The following RNF150 variants were observed in gnomAD, a reference collection of about 807,000 sequenced individuals.
The protein encoded by RNF150 is ring finger protein 150.
A neutral mutation model predicts 39.3 loss-of-function variants in RNF150; 24 were observed. The observed-to-expected ratio is 0.61, with a 90% CI of 0.44 to 0.86. RNF150 has a LOEUF of 0.86. Among genes scored for constraint, RNF150 ranks in the 40% least tolerant of loss-of-function variants. RNF150 has a pLI of 0.00. For missense variants in RNF150, 502 were observed against 587.8 expected (o/e 0.85, Z 1.51); for synonymous variants, 255 against 227.3 (o/e 1.12, Z -1.10).
At chr4:141,006,835 C>T (rs56404615) in intron 1 of RNF150, among the ~76,000 whole-genome samples, 11,540 of 152,230 alleles carry the variant, frequency 0.076, 493 homozygotes, top group Middle Eastern at 0.16. Flanking sequence ...TATTTGAGAG[C>T]ACCAAACATG....
At chr4:140,878,026 C>T (rs1729224438) in intron 6 of RNF150, among the ~76,000 whole-genome samples, 1 of 152,126 alleles carries the variant, frequency 6.6e-6, no homozygotes, top group South Asian at 2.1e-4. Flanking sequence ...GAAGTGTTGG[C>T]TGTGGTTTCA....
intron 1 of RNF150, among the ~76,000 whole-genome samples, chr4:140,983,657 G>A (rs963530662): frequency 6.6e-6 from 1 of 151,914 alleles, no homozygotes; most frequent in Non-Finnish European, 1.5e-5. Flanking sequence ...AGGCATGCGT[G>A]GAAAGAGATT....
intron 1 of RNF150, among the ~76,000 whole-genome samples, chr4:141,172,830 G>T (rs922372378): frequency 1.3e-5 from 2 of 152,120 alleles, no homozygotes; most frequent in African/African-American, 4.8e-5. Context: ...TTCAAGACCA[G>T]CCTGGCCAAC....
At chr4:140,879,050 G>A (rs538265125) in intron 6 of RNF150, among the ~76,000 whole-genome samples, 6 of 152,202 alleles carry the variant, frequency 3.9e-5, no homozygotes, top group South Asian at 4.1e-4. Flanking sequence ...CACTGTTGAG[G>A]ATTATTTGAC....
chr4:141,121,310 C>T (rs1225986518), intron 1 of RNF150, among the ~76,000 whole-genome samples: 1 of 152,298 alleles, frequency 6.6e-6, no homozygotes, highest in East Asian at 1.9e-4. Context: ...CCATATGCTG[C>T]TTTCTCTCTC....
At position 140,967,851 on chromosome 4, in the gene RNF150, T is replaced by A; in HGVS notation, c.507A>T (p.Ile169=). 2 of 1,613,204 alleles carry A rather than the reference T, an allele frequency of 1.2e-6. No individual in the cohort carries two copies. Among genetic ancestry groups the A allele is most frequent in the Non-Finnish European group, 1.7e-6 (2 of 1,179,450 alleles). ...CCTTCCCTTTTGGCTCAGGAATCATTATGGCCACGATGTCTTCTACACCTG... is the reference window on the plus strand; with the variant it reads ...CCTTCCCTTTTGGCTCAGGAATCATAATGGCCACGATGTCTTCTACACCTG... The part of the protein sequence containing the change: ...PHAGVEDIVA[I]MIPEPKGKEI... The change falls in exon 2 of 7, where the codon ATA becomes ATT. Residue 169 remains isoleucine, a synonymous_variant. Coordinates refer to ENST00000515673, the MANE Select transcript of RNF150 (RefSeq NM_020724.2).
At chr4:140,919,690 A>G (rs1437921179) in intron 5 of RNF150, among the ~76,000 whole-genome samples, 1 of 151,472 alleles carries the variant, frequency 6.6e-6, no homozygotes, top group Admixed American at 6.6e-5. Flanking sequence ...AAACTACCTT[A>G]AAGTTCATAT....
At chr4:141,130,523 A>G (rs540102803) in intron 1 of RNF150, among the ~76,000 whole-genome samples, 1 of 152,330 alleles carries the variant, frequency 6.6e-6, no homozygotes, top group African/African-American at 2.4e-5. Context: ...TTCTTTAAAA[A>G]TAAGCAAGCC....
intron 1 of RNF150, among the ~76,000 whole-genome samples, chr4:141,211,834 A>G (rs2111231783): frequency 6.6e-6 from 1 of 152,300 alleles, no homozygotes; most frequent in Admixed American, 6.5e-5. Flanking sequence ...TCAATATTTT[A>G]ATCAACTGAA....
At chr4:141,174,733 T>C (rs932227099) in intron 1 of RNF150, among the ~76,000 whole-genome samples, 1 of 152,146 alleles carries the variant, frequency 6.6e-6, no homozygotes, top group Non-Finnish European at 1.5e-5. Flanking sequence ...TGCTTCTTGC[T>C]GTCTGTAGCA....
chr4:141,089,856 C>T (rs1738512878), intron 1 of RNF150, among the ~76,000 whole-genome samples: 1 of 152,208 alleles, frequency 6.6e-6, no homozygotes, highest in South Asian at 2.1e-4. Context: ...TCTACAGCAA[C>T]ATGTCATAGA....
chr4:141,198,478 A>C (rs982395913), intron 1 of RNF150, among the ~76,000 whole-genome samples: 2 of 152,216 alleles, frequency 1.3e-5, no homozygotes, highest in African/African-American at 4.8e-5. Flanking sequence ...TTTGTTGCAC[A>C]TCTATTATGC....
chr4:141,144,375 A>C (rs1046530740), intron 1 of RNF150, among the ~76,000 whole-genome samples: 24 of 152,222 alleles, frequency 1.6e-4, no homozygotes, highest in African/African-American at 5.3e-4. Context: ...CCACACTGAT[A>C]AAGACTGTGT....
chr4:141,049,683 A>G (rs1383483442), intron 1 of RNF150, among the ~76,000 whole-genome samples: 3 of 152,192 alleles, frequency 2.0e-5, no homozygotes, highest in East Asian at 1.9e-4. Context: ...AATTGAAGAT[A>G]TCTGGAGAAT....
At position 140,919,562 on chromosome 4, in the gene RNF150, C is replaced by T. The variant is rs1313193525; in HGVS notation, c.987+6415G>A. ...GGATACAAAGAAATGGAAGAACATT[C>T]CATGCTCATGGGTAGGAAGAATCAA... On this transcript the variant is annotated intron_variant, in intron 5 of 6. Coordinates refer to ENST00000515673, the MANE Select transcript of RNF150 (RefSeq NM_020724.2). Among the ~76,000 whole-genome samples, 239 of 151,296 alleles carry T rather than the reference C, an allele frequency of 1.6e-3. 1 individual carries two copies. Among genetic ancestry groups the T allele is most frequent in the Non-Finnish European group, 2.8e-3 (192 of 67,850 alleles).
At position 140,928,793 on chromosome 4, in the gene RNF150, G is replaced by A. The variant is rs542690343; in HGVS notation, c.891-2720C>T. ...GATCTCCTGACCTCGTGATCCACCC[G>A]CCTCAGCCTCCCAAAGTGCTAGGAT... On this transcript the variant is annotated intron_variant, in intron 4 of 6. Coordinates refer to ENST00000515673, the MANE Select transcript of RNF150 (RefSeq NM_020724.2). 5.7e-3 allele frequency among the ~76,000 whole-genome samples: 869 copies of A among 152,140 alleles called. 7 individuals are homozygous for A. Among genetic ancestry groups the A allele is most frequent in the African/African-American group, 0.019 (805 of 41,508 alleles).
chr4:140,884,636 C>G (rs1224658496), intron 6 of RNF150, among the ~76,000 whole-genome samples: 2 of 152,060 alleles, frequency 1.3e-5, no homozygotes, highest in Non-Finnish European at 2.9e-5. Flanking sequence ...GGAGCTCCCC[C>G]TTGTGTTTAT....
intron 1 of RNF150, among the ~76,000 whole-genome samples, chr4:141,106,687 G>C (rs768854954): frequency 8.5e-5 from 13 of 152,226 alleles, no homozygotes; most frequent in Non-Finnish European, 1.6e-4. Flanking sequence ...CCAGCTGCTT[G>C]GGAGGGTGAG....
intron 1 of RNF150, among the ~76,000 whole-genome samples, chr4:141,029,661 C>A (rs915844692): frequency 6.6e-6 from 1 of 151,960 alleles, no homozygotes; most frequent in African/African-American, 2.4e-5. Flanking sequence ...AGCAGAGCAG[C>A]CAAAGGGAAT....
Sources: allele counts gnomAD v4.1 joint callset (sites outside exome capture counted in the v4.1 genomes callset), GRCh38; gene constraint gnomAD v4.1.1; transcripts MANE v1.5; gene names NCBI Gene and HGNC (gene_info 2026-07-23, HGNC 2026-07-21).